Variants in TSR2 observed in about 807,000 individuals in gnomAD.
TSR2 encodes TSR2 ribosome maturation factor, also known as pre-rRNA-processing protein TSR2 homolog.
Under a neutral mutation model 13.3 loss-of-function variants are expected in TSR2, and 1 was observed. That is an observed-to-expected ratio of 0.08 (90% CI 0.03 to 0.36). TSR2 has a LOEUF of 0.36. TSR2 is among the 10% of genes least tolerant of loss of function. The pLI, the probability that TSR2 is intolerant of heterozygous loss-of-function variation, is 0.99. For missense variants in TSR2, 120 were observed against 151.1 expected (o/e 0.79, Z 1.08); for synonymous variants, 60 against 57.7 (o/e 1.04, Z -0.18).
In TSR2 at chrX:54,446,508, GTCCCCTACTCAGGAAC is replaced by G. The variant is rs1275270932; in HGVS notation, c.*1975_*1990del. On this transcript the variant is annotated 3_prime_UTR_variant, in exon 5 of 5. Coordinates refer to ENST00000375151, the MANE Select transcript of TSR2 (RefSeq NM_058163.3). ...TGGTTTTGCATATGCTCTGTCTTCA[GTCCCCTACTCAGGAAC>G]TCCCCTACTCAGGAACCTTCCGTGG... 36 of 854,628 alleles carry G rather than the reference GTCCCCTACTCAGGAAC, an allele frequency of 4.2e-5. No individual in the cohort carries two copies. In the African/African-American group the frequency reaches 4.7e-4, roughly 11 times the overall value. The allele number at this position is 854,628 out of a possible 1,213,427, so 70.4% of individuals were successfully genotyped here. A position where few individuals can be genotyped will look rare whatever the true frequency, so the allele number is the denominator to read the frequency against.
At chrX:54,442,588 G>A (rs1178106835) in intron 2 of TSR2, among the ~76,000 whole-genome samples, 1 of 111,331 alleles carries the variant, frequency 9.0e-6, no homozygotes, top group Non-Finnish European at 1.9e-5. Flanking sequence ...AAAGCACATA[G>A]AGGGGAGAGG....
In TSR2 at chrX:54,445,927, T is replaced by C. The variant is rs780571699; in HGVS notation, c.*1377T>C. On this transcript the variant is annotated 3_prime_UTR_variant, in exon 5 of 5. Coordinates refer to ENST00000375151, the MANE Select transcript of TSR2 (RefSeq NM_058163.3). ...TTGACATCACTGTAGGAATATATTTTTTAAAAGCCCACGTTTTGTGAAAAG... is the reference window on the plus strand; with the variant it reads ...TTGACATCACTGTAGGAATATATTTCTTAAAAGCCCACGTTTTGTGAAAAG... 4.6e-6 allele frequency: 2 copies of C among 438,079 alleles called. No homozygotes were observed. The highest frequency in any genetic ancestry group is 2.5e-5 in the African/African-American group (1 of 40,204). 36.1% of individuals were successfully genotyped at this position (438,079 alleles called of 1,213,427 possible). A position where few individuals can be genotyped will look rare whatever the true frequency, so the allele number is the denominator to read the frequency against.
chrX:54,442,825 G>C (rs1428360366), intron 2 of TSR2, among the ~76,000 whole-genome samples: 4 of 112,403 alleles, frequency 3.6e-5, no homozygotes, highest in Non-Finnish European at 7.5e-5. Flanking sequence ...AACCACAGTT[G>C]TGAAGGTTCT....
At chrX:54,442,873 T>A in intron 2 of TSR2, among the ~76,000 whole-genome samples, 1 of 112,469 alleles carries the variant, frequency 8.9e-6, no homozygotes, top group Non-Finnish European at 1.9e-5. Flanking sequence ...ATGATAGAAA[T>A]TAACATGGAT....
rs1489654067 is a variant in TSR2 at position 54,445,739 on chromosome X, A to T, written c.*1189A>T. The T allele has an allele frequency of 1.9e-5, 3 of 160,977 alleles. No individual in the cohort carries two copies. Among genetic ancestry groups the T allele is most frequent in the Non-Finnish European group, 3.4e-5 (3 of 88,135 alleles). 13.3% of individuals were successfully genotyped at this position (160,977 alleles called of 1,213,427 possible). On this transcript the variant is annotated 3_prime_UTR_variant, in exon 5 of 5. Coordinates refer to ENST00000375151, the MANE Select transcript of TSR2 (RefSeq NM_058163.3). ...GTCGGGGCCCCAGGGTCAGTGGCAG[A>T]GCTGGCACTTGAATCCAGGTCTCCT...
chrX:54,444,542 A>C lies in TSR2; in HGVS notation c.568A>C (p.Lys190Gln), dbSNP rs1251420206. The change falls in exon 5 of 5, where the codon AAA becomes CAA. Residue 190 changes from lysine to glutamine, a missense_variant. Around this residue, in one of 3 missense-constraint regions of TSR2, gnomAD observed 55 missense variants for 61.3 expected, o/e 0.90. Coordinates refer to ENST00000375151, the MANE Select transcript of TSR2 (RefSeq NM_058163.3). The part of the protein sequence containing the change: ...VEDGWTIVRR[K>Q]K ...AGATGGCTGGACCATTGTCCGGAGA[A>C]AAAAATGAGTGGGGATGATTGGAAA... The C allele has an allele frequency of 8.3e-7, 1 of 1,210,860 alleles. No homozygotes were observed. Among genetic ancestry groups the C allele is most frequent in the South Asian group, 1.8e-5 (1 of 56,838 alleles).
chrX:54,443,531 T>TAC (rs781724444), intron 3 of TSR2, 40 bp downstream of exon 3: 1 of 980,638 alleles, frequency 1.0e-6, no homozygotes, highest in East Asian at 3.2e-5. Context: ...TCCCTACCTG[T>TAC]AGTCTTTCTT....
Position 54,445,513 on chromosome X carries a change from C to T in TSR2, c.*963C>T, listed in dbSNP as rs1601945984. 1 of 109,043 alleles carries T rather than the reference C, an allele frequency of 9.2e-6. No individual in the cohort carries two copies. The highest frequency in any genetic ancestry group is 3.4e-5 in the African/African-American group (1 of 29,514). 9.0% of individuals were successfully genotyped at this position (109,043 alleles called of 1,213,427 possible). On this transcript the variant is annotated 3_prime_UTR_variant, in exon 5 of 5. Transcript: ENST00000375151. The stretch of plus-strand genomic sequence containing the variant: ...AAAAAAAAAAAAACACACAAAAAAA[C>T]ACAAAAAACTGAGTATCCATTGTCC...
rs1232775018 is a variant in TSR2, at chrX:54,447,864, C to G, written c.*3314C>G. On this transcript the variant is annotated 3_prime_UTR_variant, in exon 5 of 5. Transcript: ENST00000375151. The stretch of plus-strand genomic sequence containing the variant: ...GGGGTATGTGGGTGGTTAATGAAGT[C>G]TGGCTTAGAATCCCAGCTCTAGATG... 2.7e-5 allele frequency among the ~76,000 whole-genome samples: 3 copies of G among 112,079 alleles called. No individual in the cohort carries two copies. Among genetic ancestry groups the G allele is most frequent in the Admixed American group, 1.9e-4 (2 of 10,508 alleles).
Position 54,440,514 on chromosome X carries a change from CAGGGCCAGGGCAAGGTCAAGGTT to C in TSR2, c.81+19_81+41del, listed in dbSNP as rs752779761. ...GGCCGGCCTTGCAGGTCAGTGGGGC[CAGGGCCAGGGCAAGGTCAAGGTT>C]AGGGCCCGGGGCAGAACAGGAGTTG... On this transcript the variant is annotated intron_variant, in intron 1 of 4. Coordinates refer to ENST00000375151, the MANE Select transcript of TSR2 (RefSeq NM_058163.3). 6 of 1,143,313 alleles carry C rather than the reference CAGGGCCAGGGCAAGGTCAAGGTT, an allele frequency of 5.2e-6. No individual in the cohort carries two copies. The highest frequency in any genetic ancestry group is 2.5e-4 in the Middle Eastern group (1 of 4,058). 94.2% of individuals were successfully genotyped at this position (1,143,313 alleles called of 1,213,427 possible).
Position 54,447,549 on chromosome X carries a change from T to C in TSR2, c.*2999T>C. 1 of 934,444 alleles carries C rather than the reference T, an allele frequency of 1.1e-6. No homozygotes were observed. The highest frequency in any genetic ancestry group is 1.5e-6 in the Non-Finnish European group (1 of 665,680). 77.0% of individuals were successfully genotyped at this position (934,444 alleles called of 1,213,427 possible). A position where few individuals can be genotyped will look rare whatever the true frequency, so the allele number is the denominator to read the frequency against. On this transcript the variant is annotated 3_prime_UTR_variant, in exon 5 of 5. Coordinates refer to ENST00000375151, the MANE Select transcript of TSR2 (RefSeq NM_058163.3). Reference sequence around the variant, plus strand: ...TCCTCAGTGTAGGGACTGCTATTCCTATCTCAGATGAAGACGCTCAAGCTC... The same window carrying C: ...TCCTCAGTGTAGGGACTGCTATTCCCATCTCAGATGAAGACGCTCAAGCTC...
In TSR2 at chrX:54,446,505, T is replaced by C. The variant is rs768629696; in HGVS notation, c.*1955T>C. The C allele has an allele frequency of 2.3e-6, 2 of 867,348 alleles. No individual in the cohort carries two copies. Among genetic ancestry groups the C allele is most frequent in the Admixed American group, 6.1e-5 (2 of 32,787 alleles). 71.5% of individuals were successfully genotyped at this position (867,348 alleles called of 1,213,427 possible). On this transcript the variant is annotated 3_prime_UTR_variant, in exon 5 of 5. Coordinates refer to ENST00000375151, the MANE Select transcript of TSR2 (RefSeq NM_058163.3). The stretch of plus-strand genomic sequence containing the variant: ...AACTGGTTTTGCATATGCTCTGTCT[T>C]CAGTCCCCTACTCAGGAACTCCCCT...
rs766509451 is a variant in TSR2, at chrX:54,440,438, A to G, written c.17A>G (p.Glu6Gly). 21 of 1,123,914 alleles carry G rather than the reference A, an allele frequency of 1.9e-5. No individual in the cohort carries two copies. The highest frequency in any genetic ancestry group is 2.3e-5 in the South Asian group (1 of 44,352). The allele number at this position is 1,123,914 out of a possible 1,213,427, so 92.6% of individuals were successfully genotyped here. The change falls in exon 1 of 5, where the codon GAA becomes GGA. Residue 6 changes from glutamate (E) to glycine (G), a missense_variant. Physicochemically the swap from Glu to Gly is moderately conservative, Grantham distance 98 (BLOSUM62 -2). Transcript: ENST00000375151. Reference protein sequence around the residue: MAGAAEDARALFRAGV... With the variant: MAGAAGDARALFRAGV... The stretch of plus-strand genomic sequence containing the variant: ...GGCCGGATAATGGCGGGCGCTGCAG[A>G]AGATGCGCGAGCTCTTTTCCGGGCT...
chrX:54,446,014 G>A lies in TSR2; in HGVS notation c.*1464G>A. 1 of 657,575 alleles carries A rather than the reference G, an allele frequency of 1.5e-6. No individual in the cohort carries two copies. The highest frequency in any genetic ancestry group is 2.3e-6 in the Non-Finnish European group (1 of 431,724). 54.2% of individuals were successfully genotyped at this position (657,575 alleles called of 1,213,427 possible). A position where few individuals can be genotyped will look rare whatever the true frequency, so the allele number is the denominator to read the frequency against. On this transcript the variant is annotated 3_prime_UTR_variant, in exon 5 of 5. Coordinates refer to ENST00000375151, the MANE Select transcript of TSR2 (RefSeq NM_058163.3). ...GAAAGTGCCCGTGATGGGAGTTCAAGTATTGACTGAGCTGGGAGGGAAGGG... is the reference window on the plus strand; with the variant it reads ...GAAAGTGCCCGTGATGGGAGTTCAAATATTGACTGAGCTGGGAGGGAAGGG...
chrX:54,443,880 C>T (rs1711930328), intron 3 of TSR2, 128 bp from the exon 4 acceptor site: 1 of 993,691 alleles, frequency 1.0e-6, no homozygotes, highest in South Asian at 2.4e-5. Context: ...TGGTTAATTC[C>T]TTGGGGAGGA....
intron 1 of TSR2, 81 bp from the exon 2 acceptor site, chrX:54,440,609 G>C: frequency 8.8e-7 from 1 of 1,136,194 alleles, no homozygotes; most frequent in South Asian, 1.9e-5. Context: ...AAGAGGAGTT[G>C]GCTGGGCGGC....
intron 1 of TSR2, 36 bp from the exon 2 acceptor site, chrX:54,440,654 C>T: frequency 1.7e-6 from 2 of 1,194,326 alleles, no homozygotes; most frequent in South Asian, 1.8e-5. Context: ...GGTCTGCTCC[C>T]AAGCTGACTT....
At chrX:54,442,741 G>A (rs948466812) in intron 2 of TSR2, among the ~76,000 whole-genome samples, 67 of 112,231 alleles carry the variant, frequency 6.0e-4, no homozygotes, top group African/African-American at 2.2e-3. Context: ...AGGCTATGAT[G>A]ATTTCATCAT....
At chrX:54,440,947 C>A (rs146194705) in intron 2 of TSR2, among the ~76,000 whole-genome samples, 167 bp downstream of exon 2, 1 of 111,358 alleles carries the variant, frequency 9.0e-6, no homozygotes, top group African/African-American at 3.3e-5. Context: ...CAGTGCTTTA[C>A]GGGCTGTACC....
Sources: allele counts gnomAD v4.1 joint callset (sites outside exome capture counted in the v4.1 genomes callset), GRCh38; gene constraint gnomAD v4.1.1; regional missense constraint gnomAD v4.1.1; transcripts MANE v1.5; gene names NCBI Gene and HGNC (gene_info 2026-07-23, HGNC 2026-07-21).